Variants in SDK1 observed in about 807,000 individuals in gnomAD.
SDK1 encodes protein sidekick-1.
SDK1 carries 157 observed loss-of-function variants against 245.5 expected under a neutral mutation model. The ratio of observed to expected loss-of-function variants is 0.64; its 90% confidence interval spans 0.56 to 0.73. SDK1 has a LOEUF of 0.73. Ranked by LOEUF, SDK1 falls within the 30% of genes least tolerant of loss-of-function variation. SDK1 has a pLI of 0.00. For missense variants in SDK1, 3,583 were observed against 3,002.3 expected, an observed-to-expected ratio of 1.19 and a Z score of -4.52; for synonymous variants, 1,647 against 1,278.5, an observed-to-expected ratio of 1.29 and a Z score of -6.15.
At chr7:3,810,842 C>T (rs768378238) in intron 4 of SDK1, among the ~76,000 whole-genome samples, 1 of 152,046 alleles carries the variant, frequency 6.6e-6, no homozygotes, top group Admixed American at 6.6e-5. Context: ...TGGAAGTATC[C>T]GAAGACAAGT....
intron 4 of SDK1, among the ~76,000 whole-genome samples, chr7:3,803,378 T>C (rs906864635): frequency 2.6e-5 from 4 of 151,528 alleles, no homozygotes; most frequent in African/African-American, 7.3e-5. Flanking sequence ...TGGTGTGATC[T>C]TGGCTCACTG....
chr7:3,609,374 T>C (rs1196611301), intron 1 of SDK1, among the ~76,000 whole-genome samples: 2 of 152,132 alleles, frequency 1.3e-5, no homozygotes, highest in Non-Finnish European at 2.9e-5. Flanking sequence ...ATCACAGAGC[T>C]AGTCAGGGGA....
chr7:3,613,817 C>G (rs973878266), intron 1 of SDK1, among the ~76,000 whole-genome samples: 1 of 152,162 alleles, frequency 6.6e-6, no homozygotes, highest in African/African-American at 2.4e-5. Context: ...CAGATCATGT[C>G]CTTTGCAGGG....
intron 15 of SDK1, 39 bp from the exon 16 acceptor site, chr7:4,012,056 T>G: frequency 1.4e-6 from 2 of 1,398,418 alleles, no homozygotes; most frequent in Non-Finnish European, 1.9e-6. Flanking sequence ...CTGTTTCTGG[T>G]ACTCATCTCT....
intron 1 of SDK1, among the ~76,000 whole-genome samples, chr7:3,615,168 G>C (rs1202223): frequency 0.35 from 53,281 of 151,238 alleles, 11,151 homozygotes; most frequent in Non-Finnish European, 0.45. Flanking sequence ...TAGGACACTG[G>C]AACCATATGA....
intron 1 of SDK1, among the ~76,000 whole-genome samples, chr7:3,500,348 G>A (rs1782157859): frequency 6.6e-6 from 1 of 151,974 alleles, no homozygotes; most frequent in Non-Finnish European, 1.5e-5. Flanking sequence ...CATGAGAAAT[G>A]CATTCTTTGA....
At chr7:3,952,201 A>G (rs1352085964) in intron 7 of SDK1, 1 of 441,714 alleles carries the variant, frequency 2.3e-6, no homozygotes, top group Non-Finnish European at 4.0e-6. Flanking sequence ...CCTGTCATAT[A>G]GATCCCTCTC....
At chr7:3,810,166 C>A (rs1779350682) in intron 4 of SDK1, among the ~76,000 whole-genome samples, 1 of 152,176 alleles carries the variant, frequency 6.6e-6, no homozygotes, top group African/African-American at 2.4e-5. Flanking sequence ...GAGGAGCCCC[C>A]CCATATCTGG....
chr7:3,537,725 C>G (rs1440917194), intron 1 of SDK1, among the ~76,000 whole-genome samples: 1 of 152,196 alleles, frequency 6.6e-6, no homozygotes, highest in Non-Finnish European at 1.5e-5. Context: ...AGGAACTTGA[C>G]TCTTGATGTG....
chr7:4,049,500 C>T, intron 18 of SDK1, 37 bp downstream of exon 18: 1 of 1,509,176 alleles, frequency 6.6e-7, no homozygotes, highest in Non-Finnish European at 9.2e-7. Flanking sequence ...GGGCAGCTGT[C>T]ATTGTCTGGA....
At chr7:4,244,247 T>G (rs563337483) in intron 43 of SDK1, among the ~76,000 whole-genome samples, 5 of 152,140 alleles carry the variant, frequency 3.3e-5, no homozygotes, top group Non-Finnish European at 7.4e-5. Context: ...GAGAAGACAC[T>G]TCCTCTGTAG....
chr7:3,375,105 T>C (rs554665953), intron 1 of SDK1, among the ~76,000 whole-genome samples: 2 of 152,220 alleles, frequency 1.3e-5, no homozygotes, highest in South Asian at 2.1e-4. Context: ...CATTTTCCGA[T>C]AGTGTCTACC....
chr7:3,663,430 T>G (rs889340758), intron 4 of SDK1, among the ~76,000 whole-genome samples: 2 of 152,214 alleles, frequency 1.3e-5, no homozygotes, highest in Non-Finnish European at 2.9e-5. Context: ...TTGCGATGTA[T>G]CTTCTCGACT....
intron 4 of SDK1, among the ~76,000 whole-genome samples, chr7:3,769,361 A>C (rs1206166908): frequency 6.6e-6 from 1 of 152,158 alleles, no homozygotes; most frequent in Non-Finnish European, 1.5e-5. Context: ...AGGGCAGTAT[A>C]TAGTGAGGGG....
chr7:3,543,204 T>C (rs939169393), intron 1 of SDK1, among the ~76,000 whole-genome samples: 4 of 152,192 alleles, frequency 2.6e-5, no homozygotes, highest in Admixed American at 1.3e-4. Context: ...GCAAGAAAAA[T>C]TGAGATGTTA....
In SDK1 at chr7:4,267,788, G is replaced by C. The variant is rs929982785; in HGVS notation, c.*2404G>C. ...CTCCCCTCCACTCTTAGTAAACCTTGATCTGTACGGAGCGGCCTGTCCGAG... is the reference window on the plus strand; with the variant it reads ...CTCCCCTCCACTCTTAGTAAACCTTCATCTGTACGGAGCGGCCTGTCCGAG... On this transcript the variant is annotated 3_prime_UTR_variant, in exon 45 of 45. Coordinates refer to ENST00000404826, the MANE Select transcript of SDK1 (RefSeq NM_152744.4). 1.0e-6 allele frequency: 1 copy of C among 985,404 alleles called. No homozygotes were observed. 61.0% of individuals were successfully genotyped at this position (985,404 alleles called of 1,614,324 possible).
At chr7:3,767,591 A>T (rs58062445) in intron 4 of SDK1, among the ~76,000 whole-genome samples, 1,887 of 152,332 alleles carry the variant, frequency 0.012, 43 homozygotes, top group African/African-American at 0.043. Context: ...TACATGTGCC[A>T]GCTCATTCCA....
chr7:3,576,792 T>G (rs1780306623), intron 1 of SDK1, among the ~76,000 whole-genome samples: 1 of 152,182 alleles, frequency 6.6e-6, no homozygotes, highest in Admixed American at 6.5e-5. Flanking sequence ...TGATGCTTCC[T>G]TGATTCAGGC....
rs1441710985 is a variant in SDK1, at chr7:4,076,077, G to A, written c.3011-921G>A. 2.0e-5 allele frequency among the ~76,000 whole-genome samples: 3 copies of A among 152,324 alleles called. No homozygotes were observed. In the East Asian group the frequency reaches 5.8e-4, roughly 29 times the overall value. ...AAATTTATTAGAAAACAGGATATAT[G>A]AAAAGGGGAGAGAGAGCTAGAAGCA... On this transcript the variant is annotated intron_variant, in intron 20 of 44. Coordinates refer to ENST00000404826, the MANE Select transcript of SDK1 (RefSeq NM_152744.4).
Sources: allele counts gnomAD v4.1 joint callset (sites outside exome capture counted in the v4.1 genomes callset), GRCh38; gene constraint gnomAD v4.1.1; transcripts MANE v1.5; gene names NCBI Gene and HGNC (gene_info 2026-07-23, HGNC 2026-07-21).